Variants in CIT observed in about 807,000 individuals in gnomAD.
CIT encodes citron Rho-interacting kinase.
CIT carries 79 observed loss-of-function variants against 272.7 expected under a neutral mutation model. The observed-to-expected ratio is 0.29, with a 90% CI of 0.24 to 0.35. The LOEUF is 0.35. Ranked by LOEUF, CIT falls within the 10% of genes least tolerant of loss-of-function variation. The pLI is 1.00. For missense variants in CIT, 1,909 were observed against 2,618.3 expected (o/e 0.73, Z 5.91); for synonymous variants, 948 against 995.6 (o/e 0.95, Z 0.90).
chr12:119,812,358 C>A (rs1175257137), intron 9 of CIT, among the ~76,000 whole-genome samples: 1 of 152,146 alleles, frequency 6.6e-6, no homozygotes, highest in East Asian at 1.9e-4. Context: ...TTACGTACAC[C>A]CAATAACACA....
intron 46 of CIT, among the ~76,000 whole-genome samples, chr12:119,695,204 T>C (rs1956165198): frequency 6.6e-6 from 1 of 152,082 alleles, no homozygotes; most frequent in Admixed American, 6.6e-5. Context: ...CACTCCCCTC[T>C]CCCCAGATCT....
chr12:119,817,251 C>T (rs943551724), intron 9 of CIT, among the ~76,000 whole-genome samples: 1 of 152,058 alleles, frequency 6.6e-6, no homozygotes, highest in Non-Finnish European at 1.5e-5. Context: ...GTGGCTCATG[C>T]CTGTAATCCC....
chr12:119,820,279 G>T (rs921489159), intron 9 of CIT, among the ~76,000 whole-genome samples: 1 of 151,770 alleles, frequency 6.6e-6, no homozygotes, highest in African/African-American at 2.4e-5. Context: ...GGCTGGGTGC[G>T]GTGGCTCATG....
chr12:119,783,660 CTCCA>C (rs1280461644), intron 12 of CIT: 2 of 363,584 alleles, frequency 5.5e-6, no homozygotes, highest in East Asian at 9.0e-5. Flanking sequence ...TTACTCCCAT[CTCCA>C]GACTCCATGG....
At chr12:119,853,367 T>C (rs938664661) in intron 4 of CIT, among the ~76,000 whole-genome samples, 3 of 152,192 alleles carry the variant, frequency 2.0e-5, no homozygotes, top group Non-Finnish European at 4.4e-5. Context: ...TTTTTTTATT[T>C]AATTTTAAAT....
At chr12:119,755,013 T>C in intron 22 of CIT, among the ~76,000 whole-genome samples, 1 of 152,176 alleles carries the variant, frequency 6.6e-6, no homozygotes, top group East Asian at 1.9e-4. Flanking sequence ...GATCTTGCTG[T>C]TAAACTTACA....
At chr12:119,730,709 C>T (rs1958390399) in intron 26 of CIT, 79 bp from the exon 27 acceptor site, 1 of 1,496,770 alleles carries the variant, frequency 6.7e-7, no homozygotes, top group Non-Finnish European at 9.0e-7. Context: ...CGTCTCTAAT[C>T]CTGACGAGCA....
chr12:119,819,912 A>G (rs1967536955), intron 9 of CIT, among the ~76,000 whole-genome samples: 1 of 152,248 alleles, frequency 6.6e-6, no homozygotes, highest in Admixed American at 6.5e-5. Context: ...GGTGAAAAAC[A>G]GGAAAATTTG....
chr12:119,780,239 CAT>C (rs1456126389), intron 13 of CIT, among the ~76,000 whole-genome samples: 1 of 152,158 alleles, frequency 6.6e-6, no homozygotes, highest in Non-Finnish European at 1.5e-5. Context: ...TCAAATTTCA[CAT>C]GAGTCTTTGA....
In CIT at chr12:119,822,951, T is replaced by C; in HGVS notation, c.980A>G (p.Asp327Gly). 1 of 1,608,674 alleles carries C rather than the reference T, an allele frequency of 6.2e-7. No individual in the cohort carries two copies. Among genetic ancestry groups the C allele is most frequent in the Non-Finnish European group, 8.5e-7 (1 of 1,178,756 alleles). Residue 327 changes from aspartate to glycine, a missense_variant, in exon 9 of 48, where the codon GAC becomes GGC. Transcript: ENST00000392521. ...AAGAAAGTCACTGCTCACTTTGGGGTCATCTGGAAATTTCAAAAACCGCTG... is the reference window on the plus strand; with the variant it reads ...AAGAAAGTCACTGCTCACTTTGGGGCCATCTGGAAATTTCAAAAACCGCTG... Reference protein sequence around the residue: ...NFQRFLKFPDDPKVSSDFLDL... With the variant: ...NFQRFLKFPDGPKVSSDFLDL...
intron 39 of CIT, among the ~76,000 whole-genome samples, chr12:119,709,402 G>A (rs1467427090): frequency 6.6e-6 from 1 of 151,790 alleles, no homozygotes; most frequent in African/African-American, 2.4e-5. Flanking sequence ...TATGAGAACG[G>A]GGGTATATGG....
At chr12:119,705,165 G>A (rs7307333) in intron 40 of CIT, among the ~76,000 whole-genome samples, 4,288 of 152,146 alleles carry the variant, frequency 0.028, 203 homozygotes, top group African/African-American at 0.099. Flanking sequence ...CGCCTGCCTC[G>A]GCCTCCCAAA....
At chr12:119,761,755 G>A (rs545114345) in intron 19 of CIT, among the ~76,000 whole-genome samples, 7 of 152,216 alleles carry the variant, frequency 4.6e-5, no homozygotes, top group Non-Finnish European at 1.0e-4. Flanking sequence ...ACCTTTCCCA[G>A]GGGAAGAGAG....
intron 19 of CIT, among the ~76,000 whole-genome samples, chr12:119,766,625 A>C (rs906279721): frequency 3.9e-5 from 6 of 152,190 alleles, no homozygotes; most frequent in African/African-American, 1.4e-4. Flanking sequence ...TAACTTAAAG[A>C]ATGTAATTAG....
chr12:119,694,026 G>C lies in CIT; in HGVS notation c.5883-3572C>G, dbSNP rs1363342635. Among the ~76,000 whole-genome samples the C allele has an allele frequency of 5.3e-5, 8 of 152,174 alleles. No homozygotes were observed. Among genetic ancestry groups the C allele is most frequent in the Non-Finnish European group, 1.2e-4 (8 of 68,020 alleles). On this transcript the variant is annotated intron_variant, in intron 46 of 47. Transcript: ENST00000392521. This position sits in a 1 kb window ranked among gnomAD's most constrained non-coding sequence, Gnocchi z 4.5. ...TTATCTTAGGTCATTTATTCCCGGGGTTAAATAATCTCAGACCTTCTTTGC... is the reference window on the plus strand; with the variant it reads ...TTATCTTAGGTCATTTATTCCCGGGCTTAAATAATCTCAGACCTTCTTTGC...
At chr12:119,842,420 A>T (rs1184331794) in intron 5 of CIT, among the ~76,000 whole-genome samples, 2 of 149,986 alleles carry the variant, frequency 1.3e-5, no homozygotes, top group Non-Finnish European at 3.0e-5. Context: ...AAAATACTGC[A>T]AGTGGTGGGA....
intron 10 of CIT, among the ~76,000 whole-genome samples, chr12:119,794,768 A>G (rs916086003): frequency 1.3e-5 from 2 of 152,224 alleles, no homozygotes; most frequent in African/African-American, 4.8e-5. Flanking sequence ...AGGGAGAAAA[A>G]GAGAGTCCAA....
chr12:119,728,702 A>G lies in CIT; in HGVS notation c.3487-96T>C, dbSNP rs1565950300. ...CCACGAACCTTCACGGAGAAAGAATATTGAGTTCTAAAGGTCAGAACGTAA... is the reference window on the plus strand; with the variant it reads ...CCACGAACCTTCACGGAGAAAGAATGTTGAGTTCTAAAGGTCAGAACGTAA... On this transcript the variant is annotated intron_variant, in intron 27 of 47. Coordinates refer to ENST00000392521, the MANE Select transcript of CIT (RefSeq NM_001206999.2). The surrounding 1 kb of genome is among the most constrained non-coding windows in gnomAD (Gnocchi z 4.3). 1.2e-6 allele frequency: 1 copy of G among 859,084 alleles called. No individual in the cohort carries two copies. Among genetic ancestry groups the G allele is most frequent in the Non-Finnish European group, 1.9e-6 (1 of 538,234 alleles). 53.2% of individuals were successfully genotyped at this position (859,084 alleles called of 1,614,324 possible).
At chr12:119,787,112 G>T (rs532713523) in intron 10 of CIT, among the ~76,000 whole-genome samples, 1 of 151,956 alleles carries the variant, frequency 6.6e-6, no homozygotes, top group Non-Finnish European at 1.5e-5. Context: ...CTACAGGCAC[G>T]CACCACCACA....
Sources: allele counts gnomAD v4.1 joint callset (sites outside exome capture counted in the v4.1 genomes callset), GRCh38; gene constraint gnomAD v4.1.1; non-coding constraint Gnocchi (gnomAD v3.1); transcripts MANE v1.5; gene names NCBI Gene and HGNC (gene_info 2026-07-23, HGNC 2026-07-21).